The following MYD88 variants were observed in gnomAD, a reference collection of about 807,000 sequenced individuals.
The protein encoded by MYD88 is MYD88 innate immune signal transduction adaptor.
Under a neutral mutation model 31.1 loss-of-function variants are expected in MYD88, and 15 were observed. The observed-to-expected ratio is 0.48, with a 90% CI of 0.32 to 0.74. The LOEUF (loss-of-function observed/expected upper bound fraction) is 0.74. Among genes scored for constraint, MYD88 ranks in the 30% least tolerant of loss-of-function variants. The pLI is 0.03. For synonymous variants in MYD88, 157 were observed against 158.8 expected (o/e 0.99, Z 0.08); for missense variants, 308 against 387.4 (o/e 0.79, Z 1.72).
rs907114391 is a variant in MYD88, at chr3:38,141,886, G to T, written c.*600G>T. The T allele has an allele frequency of 3.9e-6, 1 of 255,520 alleles. No homozygotes were observed. The highest frequency in any genetic ancestry group is 2.2e-5 in the African/African-American group (1 of 46,124). The allele number at this position is 255,520 out of a possible 1,614,324, so 15.8% of individuals were successfully genotyped here. A position where few individuals can be genotyped will look rare whatever the true frequency, so the allele number is the denominator to read the frequency against. ...GAAGCAGTTTGGCCCAGCCCAAGGA[G>T]ACCCCACCTTGAGCCTTATTTCCTA... On this transcript the variant is annotated 3_prime_UTR_variant, in exon 5 of 5. Coordinates refer to ENST00000650905, the MANE Select transcript of MYD88 (RefSeq NM_002468.5).
In MYD88 at chr3:38,138,997, C is replaced by T. The variant is rs779368211; in HGVS notation, c.297C>T (p.Asp99=). The change falls in exon 1 of 5, where the codon GAC becomes GAT. Residue 99 remains aspartate (D), a synonymous_variant. Coordinates refer to ENST00000650905, the MANE Select transcript of MYD88 (RefSeq NM_002468.5). This position sits in a 1 kb window ranked among gnomAD's most constrained non-coding sequence, Gnocchi z 6.4. The part of the protein sequence containing the change: ...LLELLTKLGR[D]DVLLELGPSI... Reference sequence around the variant, plus strand: ...AGCTGCTTACCAAGCTGGGCCGCGACGACGTGCTGCTGGAGCTGGGACCCA... The same window carrying T: ...AGCTGCTTACCAAGCTGGGCCGCGATGACGTGCTGCTGGAGCTGGGACCCA... 8.1e-6 allele frequency: 13 copies of T among 1,606,236 alleles called. No individual in the cohort carries two copies. Among genetic ancestry groups the T allele is most frequent in the African/African-American group, 1.3e-5 (1 of 74,930 alleles).
At position 38,140,474 on chromosome 3, in the gene MYD88, C is replaced by A. The variant is rs1438743092; in HGVS notation, c.550C>A (p.Gln184Lys). The change falls in exon 3 of 5, where the codon CAG becomes AAG. Residue 184 changes from glutamine (Q) to lysine (K), a missense_variant. Coordinates refer to ENST00000650905, the MANE Select transcript of MYD88 (RefSeq NM_002468.5). ...FVQEMIRQLE[Q>K]TNYRLKLCVS... ...GCAGGAGATGATCCGGCAACTGGAA[C>A]AGACAAACTATCGACTGAAGTTGTG... 2.5e-6 allele frequency: 4 copies of A among 1,614,142 alleles called. No individual in the cohort carries two copies. The highest frequency in any genetic ancestry group is 1.7e-5 in the Admixed American group (1 of 60,008).
Position 38,138,952 on chromosome 3 carries a change from C to T in MYD88, c.252C>T (p.Ala84=), listed in dbSNP as rs762731081. 1.2e-6 allele frequency: 2 copies of T among 1,610,358 alleles called. No homozygotes were observed. Among genetic ancestry groups the T allele is most frequent in the South Asian group, 1.1e-5 (1 of 91,084 alleles). The stretch of plus-strand genomic sequence containing the variant: ...ACGCCTGGCAGGGACGCCCTGGCGC[C>T]TCTGTAGGCCGACTGCTCGAGCTGC... ...LLDAWQGRPG[A]SVGRLLELLT... Residue 84 remains alanine, a synonymous_variant, in exon 1 of 5, where the codon GCC becomes GCT. Transcript: ENST00000650905. This position sits in a 1 kb window ranked among gnomAD's most constrained non-coding sequence, Gnocchi z 6.4.
chr3:38,139,807 T>C lies in MYD88; in HGVS notation c.329-57T>C. On this transcript the variant is annotated intron_variant, in intron 1 of 4. Transcript: ENST00000650905. The surrounding 1 kb of genome is among the most constrained non-coding windows in gnomAD (Gnocchi z 4.7). ...TGGGACAGCGGCTGGATCCTGACTG[T>C]GGGTAAAGAGGTAGGCACTCCCAGG... The C allele has an allele frequency of 6.2e-7, 1 of 1,607,300 alleles. No homozygotes were observed. Among genetic ancestry groups the C allele is most frequent in the East Asian group, 2.2e-5 (1 of 44,842 alleles).
chr3:38,140,416 C>T lies in MYD88; in HGVS notation c.492C>T (p.Phe164=), dbSNP rs2125778387. The T allele has an allele frequency of 6.2e-7, 1 of 1,614,244 alleles. No homozygotes were observed. Among genetic ancestry groups the T allele is most frequent in the Non-Finnish European group, 8.5e-7 (1 of 1,180,038 alleles). Reference sequence around the variant, plus strand: ...ATATGCCTGAGCGTTTCGATGCCTTCATCTGCTATTGCCCCAGCGACATCC... The same window carrying T: ...ATATGCCTGAGCGTTTCGATGCCTTTATCTGCTATTGCCCCAGCGACATCC... The part of the protein sequence containing the change: ...LGHMPERFDA[F]ICYCPSDIQF... Residue 164 remains phenylalanine, a synonymous_variant, in exon 3 of 5, where the codon TTC becomes TTT. Transcript: ENST00000650905.
chr3:38,140,072 G>T lies in MYD88; in HGVS notation c.463+74G>T, dbSNP rs754013949. 29 of 1,574,344 alleles carry T rather than the reference G, an allele frequency of 1.8e-5. No homozygotes were observed. The African/African-American group carries it at 3.4e-4, about 18-fold the overall frequency. ...GGTGTTAAGAGCATGGGTGTTTGAA[G>T]CAGATGGGCTGTGAGACCTTGGGCA... On this transcript the variant is annotated intron_variant, in intron 2 of 4. Coordinates refer to ENST00000650905, the MANE Select transcript of MYD88 (RefSeq NM_002468.5).
rs748676192 is a variant in MYD88, at chr3:38,138,813, A to G, written c.113A>G (p.Asn38Ser). 5.6e-6 allele frequency: 9 copies of G among 1,613,700 alleles called. No individual in the cohort carries two copies. Among genetic ancestry groups the G allele is most frequent in the East Asian group, 2.2e-5 (1 of 44,878 alleles). The change falls in exon 1 of 5, where the codon AAC becomes AGC. Residue 38 changes from asparagine to serine, a missense_variant. By Grantham distance (46) the Asn-to-Ser change is conservative. Transcript: ENST00000650905. This position sits in a 1 kb window ranked among gnomAD's most constrained non-coding sequence, Gnocchi z 6.4. ...CGGCGCCGCCTGTCTCTGTTCTTGA[A>G]CGTGCGGACACAGGTGGCGGCCGAC... ...RVRRRLSLFLNVRTQVAADWT... is the reference protein window; with the variant it reads ...RVRRRLSLFLSVRTQVAADWT...
In MYD88 at chr3:38,139,271, A is replaced by G. The variant is rs558257872; in HGVS notation, c.328+243A>G. The G allele has an allele frequency of 1.9e-5, 11 of 591,156 alleles. No individual in the cohort carries two copies. In the East Asian group the frequency reaches 3.2e-4, roughly 17 times the overall value. The allele number at this position is 591,156 out of a possible 1,614,324, so 36.6% of individuals were successfully genotyped here. On this transcript the variant is annotated intron_variant, in intron 1 of 4. Transcript: ENST00000650905. The surrounding 1 kb of genome is among the most constrained non-coding windows in gnomAD (Gnocchi z 4.7). ...GGAAGCAGCTTAGGCAGAGGCTTTCAGGTAGGGCCAGGAGTCAGAATCAGG... is the reference window on the plus strand; with the variant it reads ...GGAAGCAGCTTAGGCAGAGGCTTTCGGGTAGGGCCAGGAGTCAGAATCAGG...
At position 38,142,313 on chromosome 3, in the gene MYD88, T is replaced by TAC. The variant is rs1354758915; in HGVS notation, c.*1029_*1030dup. The TAC allele has an allele frequency of 2.1e-5, 5 of 233,156 alleles. No individual in the cohort carries two copies. The highest frequency in any genetic ancestry group is 4.2e-5 in the Non-Finnish European group (5 of 118,066). The allele number at this position is 233,156 out of a possible 1,614,324, so 14.4% of individuals were successfully genotyped here. On this transcript the variant is annotated 3_prime_UTR_variant, in exon 5 of 5. Coordinates refer to ENST00000650905, the MANE Select transcript of MYD88 (RefSeq NM_002468.5). ...TCACATACAGACACACACATATATG[T>TAC]ACAGACATGTACTCTCACACACACA...
At position 38,140,854 on chromosome 3, in the gene MYD88, C is replaced by G. The variant is rs773489090; in HGVS notation, c.736+6C>G. 6.2e-7 allele frequency: 1 copy of G among 1,612,302 alleles called. No individual in the cohort carries two copies. The highest frequency in any genetic ancestry group is 8.5e-7 in the Non-Finnish European group (1 of 1,178,306). ...TGCACTCAGCCTCTCTCCAGGTAAGCTCAACCCTGCTCTGGCAAGAGAATG... is the reference window on the plus strand; with the variant it reads ...TGCACTCAGCCTCTCTCCAGGTAAGGTCAACCCTGCTCTGGCAAGAGAATG... On this transcript the variant is annotated splice_donor_region_variant and intron_variant, in intron 4 of 4. Coordinates refer to ENST00000650905, the MANE Select transcript of MYD88 (RefSeq NM_002468.5).
chr3:38,139,539 C>T lies in MYD88; in HGVS notation c.329-325C>T, dbSNP rs1701023667. 2.2e-6 allele frequency: 1 copy of T among 451,158 alleles called. No individual in the cohort carries two copies. The highest frequency in any genetic ancestry group is 2.1e-5 in the South Asian group (1 of 47,096). 27.9% of individuals were successfully genotyped at this position (451,158 alleles called of 1,614,324 possible). ...TCCTGAGCCTTTCTGGCATGCCCAG[C>T]CCCTTGCTCACATCTGCCCTGGATC... On this transcript the variant is annotated intron_variant, in intron 1 of 4. Coordinates refer to ENST00000650905, the MANE Select transcript of MYD88 (RefSeq NM_002468.5). The surrounding 1 kb of genome is among the most constrained non-coding windows in gnomAD (Gnocchi z 4.7).
rs1701030984 is a variant in MYD88 at position 38,139,876 on chromosome 3, A to C, written c.341A>C (p.Gln114Pro). 1 of 1,613,192 alleles carries C rather than the reference A, an allele frequency of 6.2e-7. No individual in the cohort carries two copies. Among genetic ancestry groups the C allele is most frequent in the Non-Finnish European group, 8.5e-7 (1 of 1,180,022 alleles). Residue 114 changes from glutamine (Q) to proline (P), a missense_variant, in exon 2 of 5, where the codon CAA (glutamine) becomes CCA (proline). Gln to Pro is a moderately conservative substitution (Grantham distance 76). Transcript: ENST00000650905. The surrounding 1 kb of genome is among the most constrained non-coding windows in gnomAD (Gnocchi z 4.7). ...ELGPSIEEDC[Q>P]KYILKQQQEE... ...CTCTTCCCCACAGAGGAGGATTGCC[A>C]AAAGTATATCTTGAAGCAGCAGCAG...
chr3:38,140,936 G>A, intron 4 of MYD88, 88 bp downstream of exon 4: 5 of 1,413,600 alleles, frequency 3.5e-6, no homozygotes, highest in Non-Finnish European at 5.0e-6. Flanking sequence ...AAGGACTGTG[G>A]ATGCAGTACC....
In MYD88 at chr3:38,141,166, C is replaced by T. The variant is rs749555519; in HGVS notation, c.771C>T (p.Tyr257=). ...AHQKRLIPIK[Y]KAMKKEFPSI... ...AGAAGCGACTGATCCCCATCAAGTA[C>T]AAGGCAATGAAGAAAGAGTTCCCCA... The change falls in exon 5 of 5, where the codon TAC becomes TAT. Residue 257 remains tyrosine, a synonymous_variant. Coordinates refer to ENST00000650905, the MANE Select transcript of MYD88 (RefSeq NM_002468.5). 2 of 1,614,202 alleles carry T rather than the reference C, an allele frequency of 1.2e-6. No homozygotes were observed. Among genetic ancestry groups the T allele is most frequent in the Non-Finnish European group, 1.7e-6 (2 of 1,180,038 alleles).
Position 38,141,482 on chromosome 3 carries a change from G to A in MYD88, c.*196G>A. On this transcript the variant is annotated 3_prime_UTR_variant, in exon 5 of 5. Transcript: ENST00000650905. ...CTGCATGGAACCAGTGGCTGTGAGTGGCATGTCCACTTGCTGGATTATCAG... is the reference window on the plus strand; with the variant it reads ...CTGCATGGAACCAGTGGCTGTGAGTAGCATGTCCACTTGCTGGATTATCAG... 1 of 724,132 alleles carries A rather than the reference G, an allele frequency of 1.4e-6. No individual in the cohort carries two copies. Among genetic ancestry groups the A allele is most frequent in the East Asian group, 2.7e-5 (1 of 37,122 alleles). 44.9% of individuals were successfully genotyped at this position (724,132 alleles called of 1,614,324 possible). A position where few individuals can be genotyped will look rare whatever the true frequency, so the allele number is the denominator to read the frequency against.
chr3:38,140,512 C>T lies in MYD88; in HGVS notation c.588C>T (p.Arg196=), dbSNP rs1701051755. 5 of 1,614,204 alleles carry T rather than the reference C, an allele frequency of 3.1e-6. No individual in the cohort carries two copies. Among genetic ancestry groups the T allele is most frequent in the Middle Eastern group, 1.6e-4 (1 of 6,062 alleles). The change falls in exon 3 of 5, where the codon CGC becomes CGT. Residue 196 remains arginine, a synonymous_variant. Coordinates refer to ENST00000650905, the MANE Select transcript of MYD88 (RefSeq NM_002468.5). ...NYRLKLCVSD[R]DVLPGTCVWS... is the part of the protein sequence containing the mutation. ...GACTGAAGTTGTGTGTGTCTGACCG[C>T]GATGTCCTGCCTGGCACCTGTGTCT...
chr3:38,140,593 G>A (rs1243512000), intron 3 of MYD88, 25 bp downstream of exon 3: 4 of 1,613,922 alleles, frequency 2.5e-6, no homozygotes, highest in Non-Finnish European at 3.4e-6. Context: ...CACGGGGTGG[G>A]TGCGTGGATG....
chr3:38,139,038 T>A lies in MYD88; in HGVS notation c.328+10T>A. On this transcript the variant is annotated intron_variant, in intron 1 of 4. Transcript: ENST00000650905. This position sits in a 1 kb window ranked among gnomAD's most constrained non-coding sequence, Gnocchi z 4.7. ...CTGGGACCCAGCATTGGTGAGGACG[T>A]CCCCTTCCTGGCCTCGTACCTGGGG... 1 of 1,599,574 alleles carries A rather than the reference T, an allele frequency of 6.3e-7. No individual in the cohort carries two copies.
At position 38,139,397 on chromosome 3, in the gene MYD88, G is replaced by A; in HGVS notation, c.328+369G>A. On this transcript the variant is annotated intron_variant, in intron 1 of 4. Transcript: ENST00000650905. This position sits in a 1 kb window ranked among gnomAD's most constrained non-coding sequence, Gnocchi z 4.7. The stretch of plus-strand genomic sequence containing the variant: ...AAACCTCAAGTCCTGGGGAAATGCA[G>A]CCCTTCTTTCTACTCACTGGCACTT... 4.8e-6 allele frequency: 2 copies of A among 414,240 alleles called. No individual in the cohort carries two copies. Among genetic ancestry groups the A allele is most frequent in the Non-Finnish European group, 8.9e-6 (2 of 225,446 alleles). The allele number at this position is 414,240 out of a possible 1,614,324, so 25.7% of individuals were successfully genotyped here. A position where few individuals can be genotyped will look rare whatever the true frequency, so the allele number is the denominator to read the frequency against.
Sources: gnomAD v4.1 joint callset for allele counts on GRCh38, gnomAD v4.1.1 for gene constraint, Gnocchi (gnomAD v3.1) non-coding constraint, MANE v1.5 for transcripts, NCBI Gene and HGNC (gene_info 2026-07-23, HGNC 2026-07-21) for gene names.